DDX19B: variants seen among roughly 807,000 people sequenced by gnomAD.
DDX19B encodes ATP-dependent RNA helicase DDX19B.
DDX19B carries 27 observed loss-of-function variants against 58.1 expected under a neutral mutation model. That is an observed-to-expected ratio of 0.46 (90% confidence interval 0.34 to 0.64). DDX19B has a LOEUF of 0.64. Among genes scored for constraint, DDX19B ranks in the 30% least tolerant of loss-of-function variants. The probability of loss-of-function intolerance (pLI) is 0.01; values close to 1 mark genes in which losing one functional copy is unlikely to be tolerated. For synonymous variants in DDX19B, 187 were observed against 214.4 expected, an observed-to-expected ratio of 0.87 and a Z score of 1.12; for missense variants, 399 against 596.5, an observed-to-expected ratio of 0.67 and a Z score of 3.45.
At chr16:70,316,216 T>G in intron 4 of DDX19B, 112 bp downstream of exon 4, 1 of 1,465,182 alleles carries the variant, frequency 6.8e-7, no homozygotes, top group South Asian at 1.5e-5. Flanking sequence ...ACCAAGTTTT[T>G]TTTTTTTTTT....
chr16:70,312,587 CT>C (rs1464166980), intron 1 of DDX19B, 21 bp from the exon 2 acceptor site: 2 of 1,610,130 alleles, frequency 1.2e-6, no homozygotes, highest in African/African-American at 1.3e-5. Context: ...CACTTTCCCC[CT>C]CCCCCATATT....
intron 7 of DDX19B, among the ~76,000 whole-genome samples, chr16:70,328,244 C>G (rs572977090): frequency 6.6e-6 from 1 of 152,056 alleles, no homozygotes; most frequent in South Asian, 2.1e-4. Flanking sequence ...ATACAGTGTC[C>G]TAATGCCAAC....
intron 7 of DDX19B, among the ~76,000 whole-genome samples, chr16:70,327,126 G>A (rs886980770): frequency 2.8e-4 from 43 of 152,012 alleles, no homozygotes; most frequent in African/African-American, 9.4e-4. Flanking sequence ...GAGCCACTGC[G>A]CCTGGCCGCC....
chr16:70,314,535 G>A (rs548251800), intron 2 of DDX19B, among the ~76,000 whole-genome samples: 6 of 151,964 alleles, frequency 3.9e-5, no homozygotes, highest in African/African-American at 7.2e-5. Context: ...GTGGTGGCGG[G>A]TGCCTGTAAT....
In DDX19B at chr16:70,331,884, G is replaced by A. The variant is rs1361728512; in HGVS notation, c.1186G>A (p.Gly396Ser). ...VLVTTNVCARGIDVEQVSVVI... is the reference protein window; with the variant it reads ...VLVTTNVCARSIDVEQVSVVI... ...GGTGACCACCAACGTGTGTGCCCGC[G>A]GTGAGCAGAGGACGTGTCCCACCTG... The change falls in exon 10 of 12, where the codon GGC becomes AGC. Residue 396 changes from glycine (G) to serine (S), a missense_variant and splice_region_variant. This residue lies in a region of DDX19B where 198 missense variants were observed against 345.9 expected (regional missense o/e 0.57). Transcript: ENST00000288071. The A allele has an allele frequency of 1.2e-6, 2 of 1,613,318 alleles. No homozygotes were observed. Among genetic ancestry groups the A allele is most frequent in the African/African-American group, 1.3e-5 (1 of 74,874 alleles).
chr16:70,313,235 G>T (rs1962180614), intron 2 of DDX19B, among the ~76,000 whole-genome samples: 1 of 152,092 alleles, frequency 6.6e-6, no homozygotes, highest in African/African-American at 2.4e-5. Context: ...AGCCAGGATG[G>T]TCTCAATCTC....
At chr16:70,294,904 T>C (rs924278923), upstream of DDX19B, 1 of 1,526,460 alleles carries the variant, frequency 6.6e-7, no homozygotes, top group Non-Finnish European at 8.7e-7. Flanking sequence ...CCCATCACCC[T>C]GCCTGTGGGC....
At chr16:70,333,341 A>G (rs2437753) in intron 11 of DDX19B, among the ~76,000 whole-genome samples, 180 bp from the exon 12 acceptor site, 1,974 of 152,066 alleles carry the variant, frequency 0.013, 44 homozygotes, top group African/African-American at 0.044. Context: ...GGACTCCAAG[A>G]ACAGCTCCCC....
At chr16:70,324,362 C>CAAAAAAAAA (rs57977602) in intron 5 of DDX19B, among the ~76,000 whole-genome samples, 2 of 48,870 alleles carry the variant, frequency 4.1e-5, no homozygotes, top group Admixed American at 3.1e-4. Context: ...GACCTAATCT[C>CAAAAAAAAA]AAAAAAAAAA....
At chr16:70,313,570 A>C (rs1962198244) in intron 2 of DDX19B, among the ~76,000 whole-genome samples, 1 of 152,202 alleles carries the variant, frequency 6.6e-6, no homozygotes, top group African/African-American at 2.4e-5. Context: ...ATTGACAAAG[A>C]CTAATTTTTT....
At chr16:70,303,450 G>A (rs775203099) in intron 1 of DDX19B, among the ~76,000 whole-genome samples, 7 of 152,082 alleles carry the variant, frequency 4.6e-5, no homozygotes, top group African/African-American at 7.2e-5. Flanking sequence ...GTCCTTTATC[G>A]GATATGTTTT....
chr16:70,334,996 ACGCATC>A lies in DDX19B; in HGVS notation c.*1415_*1420del, dbSNP rs1285666646. 1 of 152,172 alleles carries A rather than the reference ACGCATC, an allele frequency of 6.6e-6. No homozygotes were observed. The highest frequency in any genetic ancestry group is 6.6e-5 in the Admixed American group (1 of 15,258). 9.4% of individuals were successfully genotyped at this position (152,172 alleles called of 1,614,324 possible). A position where few individuals can be genotyped will look rare whatever the true frequency, so the allele number is the denominator to read the frequency against. On this transcript the variant is annotated 3_prime_UTR_variant, in exon 12 of 12. Transcript: ENST00000288071. ...GATTGTGATCCTAGGTCTTCTTTGT[ACGCATC>A]TCCGTATTTAGGCCAGATCTGCCTC...
At chr16:70,331,585 GA>G in intron 9 of DDX19B, 136 bp from the exon 10 acceptor site, 1 of 1,218,862 alleles carries the variant, frequency 8.2e-7, no homozygotes, top group Non-Finnish European at 1.1e-6. Flanking sequence ...GCTTCATTGA[GA>G]AATTTTAAGC....
upstream of DDX19B, among the ~76,000 whole-genome samples, chr16:70,297,341 T>C (rs1024879465): frequency 3.9e-5 from 6 of 152,140 alleles, no homozygotes; most frequent in African/African-American, 1.4e-4. Flanking sequence ...GGCTTACAAG[T>C]AGCTGGGATT....
intron 5 of DDX19B, 136 bp from the exon 6 acceptor site, chr16:70,324,449 C>A: frequency 1.9e-6 from 1 of 515,976 alleles, no homozygotes; most frequent in Non-Finnish European, 3.4e-6. Flanking sequence ...GTGCCCTGTT[C>A]TTGTGAAGCT....
At chr16:70,291,365 CA>C (rs952986927), upstream of DDX19B, among the ~76,000 whole-genome samples, 14 of 152,228 alleles carry the variant, frequency 9.2e-5, 1 homozygote, top group Admixed American at 2.0e-4. Flanking sequence ...ACTTCTAAGC[CA>C]CCACACTTAA....
At chr16:70,328,359 ATTTT>A (rs1202085538) in intron 7 of DDX19B, among the ~76,000 whole-genome samples, 1 of 131,364 alleles carries the variant, frequency 7.6e-6, no homozygotes, top group Non-Finnish European at 1.6e-5. Flanking sequence ...AGAATTCTGA[ATTTT>A]TTTTTTTTTT....
chr16:70,312,541 C>T, intron 1 of DDX19B, 68 bp from the exon 2 acceptor site: 1 of 1,397,482 alleles, frequency 7.2e-7, no homozygotes, highest in Non-Finnish European at 1.0e-6. Flanking sequence ...TAGGGAGGCT[C>T]TGTTGATTCC....
chr16:70,294,864 C>A, upstream of DDX19B: 1 of 1,523,802 alleles, frequency 6.6e-7, no homozygotes, highest in South Asian at 1.2e-5. Flanking sequence ...GGCTGCCGGG[C>A]GCGTCCAAGA....
Sources: allele counts gnomAD v4.1 joint callset (sites outside exome capture counted in the v4.1 genomes callset), GRCh38; gene constraint gnomAD v4.1.1; regional missense constraint gnomAD v4.1.1; transcripts MANE v1.5; gene names NCBI Gene and HGNC (gene_info 2026-07-23, HGNC 2026-07-21).